CARNS1: variants seen among roughly 807,000 people sequenced by gnomAD.
CARNS1 encodes carnosine synthase 1.
In CARNS1, 61 loss-of-function variants were observed where a neutral mutation model predicts 74.0. The observed-to-expected ratio is 0.82, with a 90% CI of 0.67 to 1.02. The LOEUF (loss-of-function observed/expected upper bound fraction) is 1.02, where lower values mean the gene tolerates loss of function less well. Ranked by LOEUF, CARNS1 falls within the 50% of genes least tolerant of loss-of-function variation. The probability of loss-of-function intolerance (pLI) is 0.00; values close to 1 mark genes in which losing one functional copy is unlikely to be tolerated. For missense variants in CARNS1, 1,278 were observed against 1,308.4 expected (o/e 0.98, Z 0.36); for synonymous variants, 568 against 605.5 (o/e 0.94, Z 0.91).
rs1590960861 is a variant in CARNS1 at position 67,421,162 on chromosome 11, C to A, written c.1569C>A (p.Gly523=). The change falls in exon 9 of 10, where the codon GGC becomes GGA. Residue 523 remains glycine (G), a synonymous_variant. Transcript: ENST00000687366. ...AGGGAAAACAGCTGCTGGTGGTCGG[C>A]GCTGGCGGCGTCAGCAAGAAGTTCG... is the stretch of plus-strand genomic sequence containing the variant. ...LMEGKQLLVV[G]AGGVSKKFVW... The A allele has an allele frequency of 6.7e-7, 1 of 1,495,760 alleles. No homozygotes were observed. 92.7% of individuals were successfully genotyped at this position (1,495,760 alleles called of 1,614,324 possible).
intron 5 of CARNS1, 116 bp downstream of exon 5, chr11:67,419,359 T>A (rs888068572): frequency 6.7e-7 from 1 of 1,483,106 alleles, no homozygotes; most frequent in Non-Finnish European, 9.0e-7. Context: ...GCCGCTGCCC[T>A]GCCCCATCTC....
In CARNS1 at chr11:67,420,980, C is replaced by T; in HGVS notation, c.1387C>T (p.Pro463Ser). The T allele has an allele frequency of 2.1e-6, 3 of 1,429,660 alleles. No individual in the cohort carries two copies. The highest frequency in any genetic ancestry group is 3.2e-5 in the East Asian group (1 of 31,712). 88.6% of individuals were successfully genotyped at this position (1,429,660 alleles called of 1,614,324 possible). The change falls in exon 9 of 10, where the codon CCA becomes TCA. Residue 463 changes from proline (P) to serine (S), a missense_variant. By Grantham distance (74) the Pro-to-Ser change is moderately conservative. Around this residue, in one of 3 missense-constraint regions of CARNS1, gnomAD observed 1,164 missense variants for 1,156.5 expected, o/e 1.01. Transcript: ENST00000687366. ...GACAGCGGCCGGCGGCGTGCTGACC[C>T]CAGTGGCCCTGGAGCTGAACGGCGG... The part of the protein sequence containing the change: ...ALTAAGGVLT[P>S]VALELNGGLC...
Position 67,420,701 on chromosome 11 carries a change from G to C in CARNS1, c.1206G>C (p.Leu402=). Residue 402 remains leucine, a synonymous_variant, in exon 8 of 10, where the codon CTG becomes CTC. Coordinates refer to ENST00000687366, the MANE Select transcript of CARNS1 (RefSeq NM_001166222.2). ...TLEVALAQCG[L]GEEAQVAAVR... is the part of the protein sequence containing the mutation. ...AGGTGGCGCTGGCCCAGTGCGGCCT[G>C]GGCGAGGAGGCGCAGGTGGCGGCTG... is the stretch of plus-strand genomic sequence containing the variant. 3 of 1,267,366 alleles carry C rather than the reference G, an allele frequency of 2.4e-6. No homozygotes were observed. Among genetic ancestry groups the C allele is most frequent in the Non-Finnish European group, 3.0e-6 (3 of 1,009,366 alleles). 78.5% of individuals were successfully genotyped at this position (1,267,366 alleles called of 1,614,324 possible). A position where few individuals can be genotyped will look rare whatever the true frequency, so the allele number is the denominator to read the frequency against.
Position 67,425,154 on chromosome 11 carries a change from T to A in CARNS1, c.*553T>A, listed in dbSNP as rs1590965132. ...CTGACCGGTAGAGGCAGGTGGCCTG[T>A]GGACAGAAGTAATCCTCTTTCTGCT... is the stretch of plus-strand genomic sequence containing the variant. On this transcript the variant is annotated 3_prime_UTR_variant, in exon 10 of 10. Coordinates refer to ENST00000687366, the MANE Select transcript of CARNS1 (RefSeq NM_001166222.2). The A allele has an allele frequency of 2.2e-6, 1 of 448,040 alleles. No individual in the cohort carries two copies. 27.8% of individuals were successfully genotyped at this position (448,040 alleles called of 1,614,324 possible).
chr11:67,419,951 T>C lies in CARNS1; in HGVS notation c.1113+113T>C. The stretch of plus-strand genomic sequence containing the variant: ...TCTCTGGGCAGAGAGGACAAAATCC[T>C]TAGGGGGGTCGTAGTTGCCTCTGGG... On this transcript the variant is annotated intron_variant, in intron 7 of 9. Coordinates refer to ENST00000687366, the MANE Select transcript of CARNS1 (RefSeq NM_001166222.2). The C allele has an allele frequency of 2.8e-6, 3 of 1,062,078 alleles. No individual in the cohort carries two copies. The South Asian group carries it at 4.3e-5, about 15-fold the overall frequency. 65.8% of individuals were successfully genotyped at this position (1,062,078 alleles called of 1,614,324 possible). A position where few individuals can be genotyped will look rare whatever the true frequency, so the allele number is the denominator to read the frequency against.
rs1398035445 is a variant in CARNS1 at position 67,424,633 on chromosome 11, G to A, written c.*32G>A. 34 of 1,571,772 alleles carry A rather than the reference G, an allele frequency of 2.2e-5. No individual in the cohort carries two copies. Among genetic ancestry groups the A allele is most frequent in the Non-Finnish European group, 2.9e-5 (34 of 1,159,240 alleles). ...GGTCAGGGGGCAGGGAAGCAGTGCT[G>A]GGTGGAGGCACTGTGGTGCCCTCTG... On this transcript the variant is annotated 3_prime_UTR_variant, in exon 10 of 10. Transcript: ENST00000687366.
chr11:67,421,011 G>T lies in CARNS1; in HGVS notation c.1418G>T (p.Cys473Phe). 7.2e-7 allele frequency: 1 copy of T among 1,390,810 alleles called. No individual in the cohort carries two copies. The highest frequency in any genetic ancestry group is 9.3e-7 in the Non-Finnish European group (1 of 1,078,334). 86.2% of individuals were successfully genotyped at this position (1,390,810 alleles called of 1,614,324 possible). The change falls in exon 9 of 10, where the codon TGT becomes TTT. Residue 473 changes from cysteine to phenylalanine, a missense_variant. Physicochemically the swap from Cys to Phe is radical, Grantham distance 205. Around this residue, in one of 3 missense-constraint regions of CARNS1, gnomAD observed 1,164 missense variants for 1,156.5 expected, o/e 1.01. Coordinates refer to ENST00000687366, the MANE Select transcript of CARNS1 (RefSeq NM_001166222.2). ...GCCCTGGAGCTGAACGGCGGCCTGTGTCTGGAGGCGTGCGGCGCGCTGGAG... is the reference window on the plus strand; with the variant it reads ...GCCCTGGAGCTGAACGGCGGCCTGTTTCTGGAGGCGTGCGGCGCGCTGGAG... ...PVALELNGGL[C>F]LEACGALEGL...
intron 1 of CARNS1, 191 bp from the exon 2 acceptor site, chr11:67,415,985 A>C: frequency 3.7e-6 from 2 of 544,642 alleles, no homozygotes; most frequent in Non-Finnish European, 3.4e-6. Flanking sequence ...GCACTGGGGC[A>C]GGAGCCACTC....
In CARNS1 at chr11:67,424,256, G is replaced by A; in HGVS notation, c.2508G>A (p.Leu836=). 3.1e-6 allele frequency: 5 copies of A among 1,613,564 alleles called. No homozygotes were observed. The highest frequency in any genetic ancestry group is 4.2e-6 in the Non-Finnish European group (5 of 1,179,884). The change falls in exon 10 of 10, where the codon CTG becomes CTA. Residue 836 remains leucine, a synonymous_variant. Coordinates refer to ENST00000687366, the MANE Select transcript of CARNS1 (RefSeq NM_001166222.2). The part of the protein sequence containing the change: ...ILELYGVDLL[L]AAVMVACGLR... ...AGCTCTATGGTGTTGACCTGCTGCTGGCTGCTGTTATGGTGGCCTGTGGCT... is the reference window on the plus strand; with the variant it reads ...AGCTCTATGGTGTTGACCTGCTGCTAGCTGCTGTTATGGTGGCCTGTGGCT...
At chr11:67,417,188 C>G (rs1213579306) in intron 2 of CARNS1, 1 of 1,225,206 alleles carries the variant, frequency 8.2e-7, no homozygotes, top group Non-Finnish European at 1.0e-6. Context: ...TGCCCTCCCC[C>G]CAGGGGCACC....
intron 3 of CARNS1, 145 bp downstream of exon 3, chr11:67,417,822 C>A: frequency 1.8e-6 from 1 of 547,434 alleles, no homozygotes; most frequent in Non-Finnish European, 2.8e-6. Context: ...GCCAGTTGGC[C>A]TAGGGTAGGC....
chr11:67,415,891 C>G, intron 1 of CARNS1, 128 bp downstream of exon 1: 1 of 271,808 alleles, frequency 3.7e-6, no homozygotes, highest in Non-Finnish European at 7.0e-6. Context: ...CCCCCCACCC[C>G]CGGGACCCGG....
Position 67,423,737 on chromosome 11 carries a change from G to A in CARNS1, c.1989G>A (p.Arg663=), listed in dbSNP as rs764451311. 9.5e-6 allele frequency: 15 copies of A among 1,580,394 alleles called. No homozygotes were observed. The highest frequency in any genetic ancestry group is 2.3e-5 in the East Asian group (1 of 43,558). The change falls in exon 10 of 10, where the codon AGG becomes AGA. Residue 663 remains arginine, a synonymous_variant. Coordinates refer to ENST00000687366, the MANE Select transcript of CARNS1 (RefSeq NM_001166222.2). This position sits in a 1 kb window ranked among gnomAD's most constrained non-coding sequence, Gnocchi z 5.1. ...CPLESEADVE[R]AVHQVPLPGV... is the part of the protein sequence containing the mutation. ...TGGAGAGTGAGGCTGATGTGGAGAGGGCCGTGCACCAGGTACCCCTGCCAG... is the reference window on the plus strand; with the variant it reads ...TGGAGAGTGAGGCTGATGTGGAGAGAGCCGTGCACCAGGTACCCCTGCCAG...
Position 67,424,485 on chromosome 11 carries a change from G to A in CARNS1, c.2737G>A (p.Ala913Thr). ...GEYEEPYCSV[A>T]CAGPSPTEAR... ...GTATGAGGAGCCCTACTGCAGTGTG[G>A]CCTGTGCCGGACCCAGCCCCACCGA... Residue 913 changes from alanine (A) to threonine (T), a missense_variant, in exon 10 of 10, where the codon GCC becomes ACC. Physicochemically the swap from Ala to Thr is moderately conservative, Grantham distance 58 (BLOSUM62 0). Around this residue, in one of 3 missense-constraint regions of CARNS1, gnomAD observed 1,164 missense variants for 1,156.5 expected, o/e 1.01. Coordinates refer to ENST00000687366, the MANE Select transcript of CARNS1 (RefSeq NM_001166222.2). 6.3e-7 allele frequency: 1 copy of A among 1,587,134 alleles called. No individual in the cohort carries two copies. The highest frequency in any genetic ancestry group is 8.6e-7 in the Non-Finnish European group (1 of 1,168,276).
Position 67,417,670 on chromosome 11 carries a change from C to T in CARNS1, c.267C>T (p.Pro89=), listed in dbSNP as rs1863582179. The T allele has an allele frequency of 2.4e-6, 3 of 1,256,920 alleles. No homozygotes were observed. The highest frequency in any genetic ancestry group is 4.2e-5 in the Admixed American group (1 of 23,840). 77.9% of individuals were successfully genotyped at this position (1,256,920 alleles called of 1,614,324 possible). Residue 89 remains proline (P), a synonymous_variant, in exon 3 of 10, where the codon CCC becomes CCT. Transcript: ENST00000687366. The part of the protein sequence containing the change: ...LPETQDRGQV[P]RTGCPGAEVT... ...AGACTCAGGACCGCGGCCAGGTGCC[C>T]CGCACAGGTGCCCAAGGGCTCCCTG... is the stretch of plus-strand genomic sequence containing the variant.
In CARNS1 at chr11:67,424,086, G is replaced by T; in HGVS notation, c.2338G>T (p.Val780Phe). Residue 780 changes from valine (V) to phenylalanine (F), a missense_variant, in exon 10 of 10, where the codon GTT becomes TTT. Physicochemically the swap from Val to Phe is conservative, Grantham distance 50. Transcript: ENST00000687366. ...GLAPEQEAQM[V>F]QAAFRCCLGC... is the part of the protein sequence containing the mutation. ...GGCACCAGAGCAGGAGGCACAGATGGTTCAGGCAGCCTTCCGCTGTTGCCT... is the reference window on the plus strand; with the variant it reads ...GGCACCAGAGCAGGAGGCACAGATGTTTCAGGCAGCCTTCCGCTGTTGCCT... 6.2e-7 allele frequency: 1 copy of T among 1,613,606 alleles called. No homozygotes were observed. The highest frequency in any genetic ancestry group is 8.5e-7 in the Non-Finnish European group (1 of 1,179,786).
At chr11:67,416,987 G>A (rs1165352014) in intron 2 of CARNS1, 3 of 994,588 alleles carry the variant, frequency 3.0e-6, no homozygotes, top group East Asian at 2.2e-4. Flanking sequence ...AGTGATGGCT[G>A]GGTTCGTTCA....
chr11:67,416,899 G>A (rs1020659022), intron 2 of CARNS1: 62 of 986,650 alleles, frequency 6.3e-5, no homozygotes, highest in East Asian at 1.1e-4. Flanking sequence ...CAAGACCTAC[G>A]TGGGGATGAC....
Position 67,421,051 on chromosome 11 carries a change from G to T in CARNS1, c.1458G>T (p.Ala486=). 2 of 1,357,526 alleles carry T rather than the reference G, an allele frequency of 1.5e-6. No individual in the cohort carries two copies. The highest frequency in any genetic ancestry group is 3.6e-5 in the South Asian group (2 of 55,040). The allele number at this position is 1,357,526 out of a possible 1,614,324, so 84.1% of individuals were successfully genotyped here. The part of the protein sequence containing the change: ...ACGALEGLWA[A]PRLGPAADEA... Reference sequence around the variant, plus strand: ...GCGCGCTGGAGGGGCTGTGGGCCGCGCCGCGGCTGGGGCCGGCGGCCGACG... The same window carrying T: ...GCGCGCTGGAGGGGCTGTGGGCCGCTCCGCGGCTGGGGCCGGCGGCCGACG... Residue 486 remains alanine, a synonymous_variant, in exon 9 of 10, where the codon GCG becomes GCT. Transcript: ENST00000687366.
Sources: allele counts gnomAD v4.1 joint callset, GRCh38; gene constraint gnomAD v4.1.1; regional missense constraint gnomAD v4.1.1; non-coding constraint Gnocchi (gnomAD v3.1); transcripts MANE v1.5; gene names NCBI Gene and HGNC (gene_info 2026-07-23, HGNC 2026-07-21).